The following SLC31A1 variants were observed in gnomAD, a reference collection of about 807,000 sequenced individuals.
SLC31A1 encodes the protein high affinity copper uptake protein 1.
SLC31A1 carries 5 observed loss-of-function variants against 17.2 expected under a neutral mutation model. The ratio of observed to expected loss-of-function variants is 0.29; its 90% confidence interval spans 0.15 to 0.61. The LOEUF is 0.61. Among genes scored for constraint, SLC31A1 ranks in the 20% least tolerant of loss-of-function variants. SLC31A1 has a pLI of 0.86. For synonymous variants in SLC31A1, 76 were observed against 78.8 expected (o/e 0.96, Z 0.19); for missense variants, 161 against 241.4 (o/e 0.67, Z 2.21).
Position 113,260,417 on chromosome 9 carries a change from T to G in SLC31A1, c.517T>G (p.Phe173Val). ...AVAAGAGTGY[F>V]LFSWKKAVVV... ...AGCAGCAGGGGCCGGTACAGGATAC[T>G]TCCTCTTCAGCTGGAAGAAGGCAGT... is the stretch of plus-strand genomic sequence containing the variant. The change falls in exon 5 of 5, where the codon TTC (phenylalanine) becomes GTC (valine). Residue 173 changes from phenylalanine to valine, a missense_variant. Phe to Val is a conservative substitution (Grantham distance 50). Transcript: ENST00000374212. 1 of 1,614,182 alleles carries G rather than the reference T, an allele frequency of 6.2e-7. No individual in the cohort carries two copies. Among genetic ancestry groups the G allele is most frequent in the Non-Finnish European group, 8.5e-7 (1 of 1,180,028 alleles).
intron 1 of SLC31A1, among the ~76,000 whole-genome samples, chr9:113,234,256 A>C (rs1049795552): frequency 6.6e-6 from 1 of 151,736 alleles, no homozygotes; most frequent in African/African-American, 2.4e-5. Flanking sequence ...GCTGGAGTAC[A>C]GTGGCGTGAT....
chr9:113,235,716 G>A (rs1831450600), intron 1 of SLC31A1, among the ~76,000 whole-genome samples: 1 of 152,104 alleles, frequency 6.6e-6, no homozygotes, highest in Admixed American at 6.5e-5. Flanking sequence ...TACTGTTCTG[G>A]GTAACAATTA....
intron 1 of SLC31A1, among the ~76,000 whole-genome samples, chr9:113,238,924 C>T (rs933957169): frequency 9.9e-5 from 15 of 152,176 alleles, no homozygotes; most frequent in Admixed American, 2.6e-4. Context: ...CTGTGTGTCT[C>T]ACAGTCTGCT....
At chr9:113,256,362 T>C in intron 2 of SLC31A1, 85 bp downstream of exon 2, 2 of 1,505,924 alleles carry the variant, frequency 1.3e-6, no homozygotes, top group Non-Finnish European at 1.8e-6. Context: ...TGGAAGCTTA[T>C]TATCTTTAAA....
At chr9:113,222,135 T>G (rs560531284) in intron 1 of SLC31A1, among the ~76,000 whole-genome samples, 1 of 152,324 alleles carries the variant, frequency 6.6e-6, no homozygotes, top group South Asian at 2.1e-4. Flanking sequence ...AACAAGAACC[T>G]TATCAGCCCT....
Position 113,244,497 on chromosome 9 carries a change from G to A in SLC31A1, c.-35-11617G>A, listed in dbSNP as rs117916140. Among the ~76,000 whole-genome samples, 5 of 152,240 alleles carry A rather than the reference G, an allele frequency of 3.3e-5. No homozygotes were observed. The East Asian group carries it at 9.6e-4, about 29-fold the overall frequency. ...GAAGAAAGAGAAAATATCTCCATCT[G>A]TCAGGGTCAGAAAAAAACAAGAGTG... is the stretch of plus-strand genomic sequence containing the variant. On this transcript the variant is annotated intron_variant, in intron 1 of 4. Coordinates refer to ENST00000374212, the MANE Select transcript of SLC31A1 (RefSeq NM_001859.4).
intron 1 of SLC31A1, among the ~76,000 whole-genome samples, chr9:113,226,207 A>T (rs949027133): frequency 1.3e-5 from 2 of 152,162 alleles, no homozygotes; most frequent in Admixed American, 1.3e-4. Context: ...AGCAGTTGTC[A>T]GTTAAGTTAG....
At chr9:113,241,981 A>C (rs1182098651) in intron 1 of SLC31A1, among the ~76,000 whole-genome samples, 1 of 152,214 alleles carries the variant, frequency 6.6e-6, no homozygotes, top group Non-Finnish European at 1.5e-5. Flanking sequence ...CGAGGTCAGG[A>C]GATCGAGACC....
intron 1 of SLC31A1, among the ~76,000 whole-genome samples, chr9:113,234,883 A>G (rs1279739501): frequency 6.6e-6 from 1 of 152,136 alleles, no homozygotes; most frequent in Non-Finnish European, 1.5e-5. Flanking sequence ...TGAGATTTTT[A>G]TCCCAGTTTT....
Position 113,258,949 on chromosome 9 carries a change from C to G in SLC31A1, c.371+87C>G. ...CAGCTGTGTGATCAGCAGCAGCCCTCTTCTTGAGTTAGGAGTTCTGTATGA... is the reference window on the plus strand; with the variant it reads ...CAGCTGTGTGATCAGCAGCAGCCCTGTTCTTGAGTTAGGAGTTCTGTATGA... On this transcript the variant is annotated intron_variant, in intron 4 of 4. Transcript: ENST00000374212. The surrounding 1 kb of genome is among the most constrained non-coding windows in gnomAD (Gnocchi z 4.8). The G allele has an allele frequency of 7.2e-7, 1 of 1,392,398 alleles. No homozygotes were observed. The highest frequency in any genetic ancestry group is 2.3e-5 in the East Asian group (1 of 43,716). 86.3% of individuals were successfully genotyped at this position (1,392,398 alleles called of 1,614,324 possible).
At position 113,260,335 on chromosome 9, in the gene SLC31A1, A is replaced by G; in HGVS notation, c.435A>G (p.Ile145Met). 6.2e-7 allele frequency: 1 copy of G among 1,614,124 alleles called. No homozygotes were observed. Among genetic ancestry groups the G allele is most frequent in the Non-Finnish European group, 8.5e-7 (1 of 1,180,026 alleles). Residue 145 changes from isoleucine to methionine, a missense_variant, in exon 5 of 5, where the codon ATA becomes ATG. By Grantham distance (10) the Ile-to-Met change is conservative. Transcript: ENST00000374212. ...TGCTGCACATCATCCAGGTGGTCAT[A>G]AGCTACTTCCTCATGCTCATCTTCA... ...QTVLHIIQVV[I>M]SYFLMLIFMT...
At chr9:113,257,215 G>A in intron 3 of SLC31A1, 30 bp downstream of exon 3, 1 of 1,576,050 alleles carries the variant, frequency 6.3e-7, no homozygotes. Context: ...GTGTTGGAAG[G>A]TGATAGTCAC....
At chr9:113,231,388 AC>A (rs1051764639) in intron 1 of SLC31A1, among the ~76,000 whole-genome samples, 1 of 151,836 alleles carries the variant, frequency 6.6e-6, no homozygotes, top group Non-Finnish European at 1.5e-5. Flanking sequence ...ACATAGGGAG[AC>A]CCCTTCTCTA....
In SLC31A1 at chr9:113,257,124, C is replaced by G. The variant is rs1456862786; in HGVS notation, c.141C>G (p.Phe47Leu). 1 of 1,613,906 alleles carries G rather than the reference C, an allele frequency of 6.2e-7. No individual in the cohort carries two copies. The highest frequency in any genetic ancestry group is 2.2e-5 in the East Asian group (1 of 44,858). ...DSSMMMMPMTFYFGFKNVELL... is the reference protein window; with the variant it reads ...DSSMMMMPMTLYFGFKNVELL... ...TGGTTTTCTGGCAGCCTATGACCTT[C>G]TACTTTGGCTTTAAGAATGTGGAAC... is the stretch of plus-strand genomic sequence containing the variant. The change falls in exon 3 of 5, where the codon TTC becomes TTG. Residue 47 changes from phenylalanine to leucine, a missense_variant. Transcript: ENST00000374212.
chr9:113,232,440 G>T (rs1831411109), intron 1 of SLC31A1, among the ~76,000 whole-genome samples: 1 of 152,034 alleles, frequency 6.6e-6, no homozygotes, highest in Non-Finnish European at 1.5e-5. Flanking sequence ...TGAAAAAAAT[G>T]ACTGACCACC....
At chr9:113,253,302 A>G (rs1317457037) in intron 1 of SLC31A1, among the ~76,000 whole-genome samples, 1 of 152,100 alleles carries the variant, frequency 6.6e-6, no homozygotes, top group Non-Finnish European at 1.5e-5. Context: ...ATCATAATTT[A>G]TGATCACTCA....
chr9:113,256,321 T>G, intron 2 of SLC31A1, 44 bp downstream of exon 2: 5 of 1,608,012 alleles, frequency 3.1e-6, no homozygotes, highest in Non-Finnish European at 4.3e-6. Context: ...TCCCACCCAC[T>G]TGGGTAATAG....
At chr9:113,248,706 T>G (rs944799600) in intron 1 of SLC31A1, among the ~76,000 whole-genome samples, 1 of 152,090 alleles carries the variant, frequency 6.6e-6, no homozygotes, top group African/African-American at 2.4e-5. Flanking sequence ...CTCAAACTCC[T>G]GACCTCAAGT....
rs2119017735 is a variant in SLC31A1 at position 113,258,288 on chromosome 9, A to G, written c.203-406A>G. Among the ~76,000 whole-genome samples the G allele has an allele frequency of 6.6e-6, 1 of 152,356 alleles. No homozygotes were observed. Among genetic ancestry groups the G allele is most frequent in the East Asian group, 1.9e-4 (1 of 5,192 alleles). The stretch of plus-strand genomic sequence containing the variant: ...TTTGAATACATTTATATCATTACCA[A>G]CACTTCACAGTGTGAAAGACTTAGA... On this transcript the variant is annotated intron_variant, in intron 3 of 4. Transcript: ENST00000374212. The surrounding 1 kb of genome is among the most constrained non-coding windows in gnomAD (Gnocchi z 4.8).
Sources: gnomAD v4.1 joint callset for allele counts (sites outside exome capture counted in the v4.1 genomes callset) on GRCh38, gnomAD v4.1.1 for gene constraint, Gnocchi (gnomAD v3.1) non-coding constraint, MANE v1.5 for transcripts, NCBI Gene and HGNC (gene_info 2026-07-23, HGNC 2026-07-21) for gene names.